The following PRDM5 variants were observed in gnomAD, a reference collection of about 807,000 sequenced individuals.
PRDM5 encodes PR/SET domain 5, also known as PR domain zinc finger protein 5.
Under a neutral mutation model 81.2 loss-of-function variants are expected in PRDM5, and 56 were observed. That is an observed-to-expected ratio of 0.69 (90% CI 0.56 to 0.86). PRDM5 has a LOEUF of 0.86. PRDM5 is among the 40% of genes least tolerant of loss of function. The probability of loss-of-function intolerance (pLI) is 0.00; values close to 1 mark genes in which losing one functional copy is unlikely to be tolerated. For synonymous variants in PRDM5, 267 were observed against 256.4 expected (o/e 1.04, Z -0.39); for missense variants, 697 against 770.1 (o/e 0.91, Z 1.12).
intron 14 of PRDM5, among the ~76,000 whole-genome samples, chr4:120,730,853 C>T (rs1740145499): frequency 6.6e-6 from 1 of 151,988 alleles, no homozygotes; most frequent in Non-Finnish European, 1.5e-5. Flanking sequence ...GTGGATATAC[C>T]AAGTTCATAA....
intron 3 of PRDM5, among the ~76,000 whole-genome samples, chr4:120,853,189 T>C (rs1336342339): frequency 2.0e-5 from 3 of 152,222 alleles, no homozygotes; most frequent in South Asian, 2.1e-4. Flanking sequence ...TATCAGACTG[T>C]GTAATTCATT....
At chr4:120,798,168 A>G in intron 10 of PRDM5, 99 bp downstream of exon 10, 2 of 869,782 alleles carry the variant, frequency 2.3e-6, no homozygotes, top group East Asian at 2.8e-5. Flanking sequence ...TGCATTATAT[A>G]CAGTAGGCCC....
intron 15 of PRDM5, among the ~76,000 whole-genome samples, chr4:120,708,761 G>T (rs747127118): frequency 6.6e-6 from 1 of 152,114 alleles, no homozygotes; most frequent in Non-Finnish European, 1.5e-5. Context: ...AAGTAGAAAT[G>T]AAAACTAAGA....
At chr4:120,760,748 C>T (rs1745488889) in intron 13 of PRDM5, among the ~76,000 whole-genome samples, 1 of 144,204 alleles carries the variant, frequency 6.9e-6, no homozygotes, top group Non-Finnish European at 1.5e-5. Context: ...ATTAAATAGA[C>T]TTTTTTTTTT....
intron 14 of PRDM5, among the ~76,000 whole-genome samples, chr4:120,752,896 G>A (rs190079717): frequency 5.3e-5 from 8 of 152,180 alleles, no homozygotes; most frequent in Admixed American, 4.6e-4. Context: ...AGTGATTTTT[G>A]TGTTTATTTT....
At chr4:120,807,194 A>G (rs6534211) in intron 8 of PRDM5, among the ~76,000 whole-genome samples, 118,207 of 152,122 alleles carry the variant, frequency 0.78, 46,147 homozygotes, top group East Asian at 0.87. Context: ...AAAAAGTCAG[A>G]GAACAACAGG....
chr4:120,839,832 AC>A (rs1337280442), intron 3 of PRDM5, among the ~76,000 whole-genome samples: 2 of 151,518 alleles, frequency 1.3e-5, no homozygotes, highest in Admixed American at 6.6e-5. Flanking sequence ...TCGGTTTCCA[AC>A]CCCCCCACAC....
At chr4:120,921,040 T>C (rs1724844798) in intron 1 of PRDM5, among the ~76,000 whole-genome samples, 1 of 152,174 alleles carries the variant, frequency 6.6e-6, no homozygotes, top group African/African-American at 2.4e-5. Context: ...ACAACAAGGA[T>C]TATATAATAA....
chr4:120,772,833 A>T (rs966916437), intron 13 of PRDM5, among the ~76,000 whole-genome samples: 34 of 152,316 alleles, frequency 2.2e-4, no homozygotes, highest in African/African-American at 8.2e-4. Context: ...TTACTATTAC[A>T]TTATTTGTCT....
intron 7 of PRDM5, 81 bp downstream of exon 7, chr4:120,816,372 C>A (rs938668231): frequency 6.2e-7 from 1 of 1,609,602 alleles, no homozygotes; most frequent in Non-Finnish European, 8.5e-7. Context: ...GCTCTCTCCT[C>A]AAGAGCGAGA....
At chr4:120,850,976 TA>T (rs1275722988) in intron 3 of PRDM5, among the ~76,000 whole-genome samples, 1 of 152,144 alleles carries the variant, frequency 6.6e-6, no homozygotes, top group Non-Finnish European at 1.5e-5. Flanking sequence ...AAGGTATAAA[TA>T]CTTATTGACA....
At chr4:120,863,175 AAT>A (rs1553997142) in intron 2 of PRDM5, among the ~76,000 whole-genome samples, 1 of 60,668 alleles carries the variant, frequency 1.6e-5, no homozygotes, top group Non-Finnish European at 2.9e-5. Context: ...AAAAAAAAAA[AAT>A]ATATATATAT....
intron 15 of PRDM5, among the ~76,000 whole-genome samples, chr4:120,697,677 T>C (rs1331732664): frequency 6.8e-6 from 1 of 146,290 alleles, no homozygotes; most frequent in Non-Finnish European, 1.5e-5. Flanking sequence ...ACTATTTTTT[T>C]TTTTTTTTTT....
At chr4:120,897,772 T>C (rs1435274191) in intron 2 of PRDM5, among the ~76,000 whole-genome samples, 2 of 152,258 alleles carry the variant, frequency 1.3e-5, no homozygotes, top group African/African-American at 4.8e-5. Flanking sequence ...AAATTTGCTC[T>C]AAATGTATAA....
intron 2 of PRDM5, among the ~76,000 whole-genome samples, chr4:120,893,823 AT>A: frequency 6.6e-6 from 1 of 152,258 alleles, no homozygotes; most frequent in Admixed American, 6.5e-5. Context: ...CTTAAAGTGC[AT>A]TTTATCAAAT....
At chr4:120,878,324 T>C (rs1043262479) in intron 2 of PRDM5, among the ~76,000 whole-genome samples, 2 of 152,212 alleles carry the variant, frequency 1.3e-5, no homozygotes, top group African/African-American at 4.8e-5. Flanking sequence ...GGATAGTCTT[T>C]TCAACAAATG....
In PRDM5 at chr4:120,781,078, T is replaced by C. The variant is rs1018565014; in HGVS notation, c.1443+65A>G. 3.2e-5 allele frequency: 44 copies of C among 1,355,254 alleles called. No homozygotes were observed. In the South Asian group the frequency reaches 5.3e-4, roughly 16 times the overall value. 84.0% of individuals were successfully genotyped at this position (1,355,254 alleles called of 1,614,324 possible). On this transcript the variant is annotated intron_variant, in intron 12 of 15. Coordinates refer to ENST00000264808, the MANE Select transcript of PRDM5 (RefSeq NM_018699.4). ...TAATATATAATTATCACATGTTAGT[T>C]AACATATATACCCATACTGCTTAAA...
intron 9 of PRDM5, 114 bp from the exon 10 acceptor site, chr4:120,798,538 A>T: frequency 2.2e-6 from 2 of 913,644 alleles, no homozygotes; most frequent in Non-Finnish European, 3.3e-6. Context: ...AGGATGGTCA[A>T]ACAACTAAAA....
chr4:120,871,305 C>T (rs1197738783), intron 2 of PRDM5, among the ~76,000 whole-genome samples: 1 of 152,206 alleles, frequency 6.6e-6, no homozygotes, highest in Non-Finnish European at 1.5e-5. Flanking sequence ...TCTGTTCTTC[C>T]TCAGGTTGAG....
Sources: gnomAD v4.1 joint callset for allele counts (sites outside exome capture counted in the v4.1 genomes callset) on GRCh38, gnomAD v4.1.1 for gene constraint, MANE v1.5 for transcripts, NCBI Gene and HGNC (gene_info 2026-07-23, HGNC 2026-07-21) for gene names.